The following UBAP1 variants were observed in gnomAD, a reference collection of about 807,000 sequenced individuals.
UBAP1 encodes the protein ubiquitin-associated protein 1.
UBAP1 carries 5 observed loss-of-function variants against 39.0 expected under a neutral mutation model. The ratio of observed to expected loss-of-function variants is 0.13; its 90% CI spans 0.07 to 0.27. The LOEUF is 0.27. Among genes scored for constraint, UBAP1 ranks in the 10% least tolerant of loss-of-function variants. The pLI, the probability that UBAP1 is intolerant of heterozygous loss-of-function variation, is 1.00. For synonymous variants in UBAP1, 211 were observed against 225.1 expected, an observed-to-expected ratio of 0.94 and a Z score of 0.56; for missense variants, 490 against 608.1, an observed-to-expected ratio of 0.81 and a Z score of 2.04.
intron 2 of UBAP1, among the ~76,000 whole-genome samples, chr9:34,221,832 G>C (rs10972007): frequency 0.12 from 18,823 of 152,212 alleles, 1,528 homozygotes; most frequent in Non-Finnish European, 0.18. Flanking sequence ...CTTTGGAGGG[G>C]AATGGAGGGA....
chr9:34,180,445 TA>T (rs1829952919), intron 1 of UBAP1, among the ~76,000 whole-genome samples: 1 of 150,020 alleles, frequency 6.7e-6, no homozygotes, highest in South Asian at 2.1e-4. Flanking sequence ...GAGGCGGAGG[TA>T]GCAGTGAGCC....
chr9:34,235,907 GA>G (rs1365074205), intron 3 of UBAP1, among the ~76,000 whole-genome samples: 2 of 150,522 alleles, frequency 1.3e-5, no homozygotes, highest in Admixed American at 1.3e-4. Context: ...ATCTCGTCAA[GA>G]AGAGAGACTC....
chr9:34,181,174 G>C (rs2131477527), intron 1 of UBAP1, among the ~76,000 whole-genome samples: 1 of 132,148 alleles, frequency 7.6e-6, no homozygotes, highest in Admixed American at 8.9e-5. Flanking sequence ...GAGTGCAGTG[G>C]CGCAATCTCA....
intron 1 of UBAP1, chr9:34,201,562 C>G (rs1383229535): frequency 6.6e-6 from 1 of 152,064 alleles, no homozygotes; most frequent in African/African-American, 2.4e-5. Flanking sequence ...ACAACAACAG[C>G]AACAACAAAA....
intron 1 of UBAP1, among the ~76,000 whole-genome samples, chr9:34,192,327 C>G (rs1373566511): frequency 6.6e-6 from 1 of 151,648 alleles, no homozygotes; most frequent in Non-Finnish European, 1.5e-5. Flanking sequence ...CCAGCCTGAC[C>G]AACATGGTGA....
At chr9:34,225,287 T>C (rs1184788943) in intron 2 of UBAP1, among the ~76,000 whole-genome samples, 1 of 152,184 alleles carries the variant, frequency 6.6e-6, no homozygotes, top group East Asian at 1.9e-4. Flanking sequence ...AGCACTTGAT[T>C]TACCTCTGAG....
chr9:34,250,698 A>G lies in UBAP1; in HGVS notation c.1307A>G (p.Lys436Arg), dbSNP rs751477831. 3.7e-6 allele frequency: 6 copies of G among 1,613,810 alleles called. No homozygotes were observed. The highest frequency in any genetic ancestry group is 5.1e-6 in the Non-Finnish European group (6 of 1,179,756). Residue 436 changes from lysine to arginine, a missense_variant, in exon 6 of 7, where the codon AAG becomes AGG. This residue lies in a region of UBAP1 where 339 missense variants were observed against 390.0 expected (regional missense o/e 0.87). Coordinates refer to ENST00000297661, the MANE Select transcript of UBAP1 (RefSeq NM_016525.5). ...YLFAHGQLCE[K>R]GFDPLLVEEA... ...TTTGCACATGGACAGCTTTGTGAGA[A>G]GGGCTTCGACCCTCTTTTAGTGGAA...
At chr9:34,222,375 G>A (rs1162559559) in intron 2 of UBAP1, among the ~76,000 whole-genome samples, 2 of 152,154 alleles carry the variant, frequency 1.3e-5, no homozygotes, top group African/African-American at 4.8e-5. Flanking sequence ...TCCTTTTGAA[G>A]TTATTCAAAC....
chr9:34,193,647 A>G (rs1186665742), intron 1 of UBAP1, among the ~76,000 whole-genome samples: 5 of 152,198 alleles, frequency 3.3e-5, no homozygotes, highest in Admixed American at 6.6e-5. Context: ...TCAGGGAAAC[A>G]CTGAAATTTA....
intron 1 of UBAP1, among the ~76,000 whole-genome samples, chr9:34,216,859 G>A (rs527563931): frequency 6.6e-5 from 10 of 151,596 alleles, no homozygotes; most frequent in African/African-American, 2.4e-4. Context: ...ATTACCCAGG[G>A]TGGTCTCAAA....
intron 2 of UBAP1, among the ~76,000 whole-genome samples, chr9:34,222,819 T>C (rs1302535532): frequency 6.6e-6 from 1 of 151,642 alleles, no homozygotes; most frequent in African/African-American, 2.4e-5. Flanking sequence ...AAAATGATTC[T>C]TGCCACTGAG....
At chr9:34,181,258 G>A (rs1830014287) in intron 1 of UBAP1, among the ~76,000 whole-genome samples, 1 of 147,826 alleles carries the variant, frequency 6.8e-6, no homozygotes, top group South Asian at 2.2e-4. Context: ...GATTACAGGC[G>A]CCTGCCACAC....
In UBAP1 at chr9:34,250,720, G is replaced by A; in HGVS notation, c.1329G>A (p.Val443=). 6.2e-7 allele frequency: 1 copy of A among 1,613,648 alleles called. No homozygotes were observed. The highest frequency in any genetic ancestry group is 8.5e-7 in the Non-Finnish European group (1 of 1,179,666). Residue 443 remains valine (V), a synonymous_variant, in exon 6 of 7, where the codon GTG becomes GTA. Coordinates refer to ENST00000297661, the MANE Select transcript of UBAP1 (RefSeq NM_016525.5). ...LCEKGFDPLL[V]EEALEMHQCS... is the part of the protein sequence containing the mutation. ...AGAAGGGCTTCGACCCTCTTTTAGT[G>A]GAAGAGGCTCTGGAAATGCACCAGT...
At chr9:34,202,868 G>A (rs1173418730) in intron 1 of UBAP1, among the ~76,000 whole-genome samples, 1 of 151,882 alleles carries the variant, frequency 6.6e-6, no homozygotes, top group East Asian at 1.9e-4. Context: ...CCTACCTATA[G>A]AAAATGAACT....
At chr9:34,203,508 G>A (rs1017527327) in intron 1 of UBAP1, among the ~76,000 whole-genome samples, 1 of 152,186 alleles carries the variant, frequency 6.6e-6, no homozygotes, top group African/African-American at 2.4e-5. Flanking sequence ...TGAGACAGAA[G>A]TGGTATTTGT....
intron 4 of UBAP1, 31 bp downstream of exon 4, chr9:34,242,139 A>AT: frequency 6.5e-7 from 1 of 1,539,238 alleles, no homozygotes; most frequent in African/African-American, 1.4e-5. Context: ...GCCGACTCCC[A>AT]TATTTTCCTG....
chr9:34,229,604 C>T (rs1273267553), intron 2 of UBAP1, among the ~76,000 whole-genome samples: 1 of 151,652 alleles, frequency 6.6e-6, no homozygotes, highest in African/African-American at 2.4e-5. Flanking sequence ...GTGGAGCCAT[C>T]TCGGCTCACT....
Position 34,241,287 on chromosome 9 carries a change from G to A in UBAP1, c.262G>A (p.Ala88Thr). ...AGAGTGCAAAATTGCGGAAGCAGAA[G>A]CTAAAGTGAATTCTAAGAGTGGCCC... ...EAECKIAEAE[A>T]KVNSKSGPEG... Residue 88 changes from alanine to threonine, a missense_variant, in exon 4 of 7, where the codon GCT (alanine) becomes ACT (threonine). Transcript: ENST00000297661. 1 of 1,508,922 alleles carries A rather than the reference G, an allele frequency of 6.6e-7. No individual in the cohort carries two copies. The highest frequency in any genetic ancestry group is 8.9e-7 in the Non-Finnish European group (1 of 1,129,812). 93.5% of individuals were successfully genotyped at this position (1,508,922 alleles called of 1,614,324 possible).
chr9:34,243,715 C>A (rs182463248), intron 4 of UBAP1, among the ~76,000 whole-genome samples: 7 of 152,214 alleles, frequency 4.6e-5, no homozygotes, highest in Non-Finnish European at 1.0e-4. Flanking sequence ...GTCTGGAACT[C>A]CTGTGCTCAA....
Sources: gnomAD v4.1 joint callset for allele counts (sites outside exome capture counted in the v4.1 genomes callset) on GRCh38, gnomAD v4.1.1 for gene constraint, gnomAD v4.1.1 regional missense constraint, MANE v1.5 for transcripts, NCBI Gene and HGNC (gene_info 2026-07-23, HGNC 2026-07-21) for gene names.